Variants in ZMIZ1 observed in about 807,000 individuals in gnomAD.
ZMIZ1 encodes zinc finger MIZ-type containing 1, also known as zinc finger MIZ domain-containing protein 1.
A neutral mutation model predicts 113.9 loss-of-function variants in ZMIZ1; 17 were observed. The observed-to-expected ratio is 0.15, with a 90% confidence interval of 0.10 to 0.22. The LOEUF (loss-of-function observed/expected upper bound fraction) is 0.22, where lower values mean the gene tolerates loss of function less well. ZMIZ1 is among the 10% of genes least tolerant of loss of function. The pLI, the probability that ZMIZ1 is intolerant of heterozygous loss-of-function variation, is 1.00. For missense variants in ZMIZ1, 1,059 were observed against 1,477.8 expected (o/e 0.72, Z 4.65); for synonymous variants, 607 against 603.1 (o/e 1.01, Z -0.09).
chr10:79,133,028 G>T (rs1315269883), intron 2 of ZMIZ1, among the ~76,000 whole-genome samples: 2 of 152,144 alleles, frequency 1.3e-5, no homozygotes, highest in African/African-American at 4.8e-5. Context: ...ACGGTCGGTG[G>T]AAAGAGGCTG....
chr10:79,122,328 G>A (rs1215201283), intron 2 of ZMIZ1, among the ~76,000 whole-genome samples: 2 of 152,020 alleles, frequency 1.3e-5, no homozygotes, highest in African/African-American at 4.8e-5. Context: ...GGGGTGGAGT[G>A]GCAACTCTTT....
intron 5 of ZMIZ1, among the ~76,000 whole-genome samples, chr10:79,207,820 G>A (rs1337368325): frequency 1.3e-5 from 2 of 152,104 alleles, no homozygotes; most frequent in African/African-American, 4.8e-5. Flanking sequence ...GCCAGAGCTG[G>A]TGGGAGCCCA....
intron 6 of ZMIZ1, among the ~76,000 whole-genome samples, chr10:79,213,471 T>C (rs1411778591): frequency 6.6e-6 from 1 of 152,222 alleles, no homozygotes; most frequent in Non-Finnish European, 1.5e-5. Flanking sequence ...CCCTTCTGAA[T>C]GCTGGGGCAC....
chr10:79,105,025 G>T (rs1030681641), intron 1 of ZMIZ1, among the ~76,000 whole-genome samples: 3 of 151,120 alleles, frequency 2.0e-5, no homozygotes, highest in African/African-American at 7.3e-5. Flanking sequence ...AAGCCATGGT[G>T]GAAAGTGAGG....
intron 1 of ZMIZ1, among the ~76,000 whole-genome samples, chr10:79,077,225 G>A (rs1013890062): frequency 3.6e-4 from 54 of 152,008 alleles, no homozygotes; most frequent in African/African-American, 1.2e-3. Context: ...CCTACTCCCC[G>A]GTGGACCTTG....
intron 23 of ZMIZ1, among the ~76,000 whole-genome samples, chr10:79,310,493 C>A (rs930804088): frequency 2.0e-5 from 3 of 152,194 alleles, no homozygotes; most frequent in African/African-American, 7.2e-5. Flanking sequence ...TGCTCTCTGC[C>A]GCCCAGCTTG....
intron 7 of ZMIZ1, among the ~76,000 whole-genome samples, chr10:79,246,191 C>G (rs1424272656): frequency 6.6e-6 from 1 of 152,230 alleles, no homozygotes; most frequent in Non-Finnish European, 1.5e-5. Flanking sequence ...AGTCCCAGGT[C>G]TCCAACCCCT....
intron 2 of ZMIZ1, among the ~76,000 whole-genome samples, chr10:79,131,441 C>T (rs1383879566): frequency 6.6e-6 from 1 of 152,092 alleles, no homozygotes; most frequent in Admixed American, 6.5e-5. Context: ...GTTTTGTTTG[C>T]CTCGGTCCCT....
chr10:79,106,143 C>A (rs1470688352), intron 1 of ZMIZ1, among the ~76,000 whole-genome samples: 1 of 152,228 alleles, frequency 6.6e-6, no homozygotes, highest in African/African-American at 2.4e-5. Flanking sequence ...TCCCCCCACC[C>A]CCAGGCCCTC....
At chr10:79,152,490 ACT>A (rs1415929990) in intron 3 of ZMIZ1, among the ~76,000 whole-genome samples, 1 of 152,060 alleles carries the variant, frequency 6.6e-6, no homozygotes, top group Non-Finnish European at 1.5e-5. Flanking sequence ...ACAAAGTGAG[ACT>A]CTGTCTCAAA....
intron 7 of ZMIZ1, among the ~76,000 whole-genome samples, chr10:79,220,512 G>A (rs552648023): frequency 5.9e-5 from 9 of 152,280 alleles, no homozygotes; most frequent in African/African-American, 2.2e-4. Flanking sequence ...TCCAGAGCTC[G>A]CTCCAGCCCC....
chr10:79,289,635 T>TG (rs1343677722), intron 8 of ZMIZ1, 140 bp from the exon 9 acceptor site: 6 of 701,738 alleles, frequency 8.6e-6, no homozygotes, highest in Non-Finnish European at 4.9e-6. Flanking sequence ...GAGACAGGCC[T>TG]GGGGGGTCCA....
At chr10:79,236,578 G>C (rs116327780) in intron 7 of ZMIZ1, among the ~76,000 whole-genome samples, 1 of 152,110 alleles carries the variant, frequency 6.6e-6, no homozygotes, top group South Asian at 2.1e-4. Flanking sequence ...TGGGTGGCGC[G>C]CTCCCCACCA....
chr10:79,087,711 G>A (rs1227049437), intron 1 of ZMIZ1, among the ~76,000 whole-genome samples: 4 of 152,110 alleles, frequency 2.6e-5, no homozygotes, highest in Non-Finnish European at 5.9e-5. Flanking sequence ...TCATTCTCTG[G>A]CCCCAGATGA....
chr10:79,122,702 G>C (rs763729530), intron 2 of ZMIZ1, among the ~76,000 whole-genome samples: 3 of 152,098 alleles, frequency 2.0e-5, no homozygotes, highest in Non-Finnish European at 2.9e-5. Context: ...TCACACCCTG[G>C]AGAGCTCTTG....
At chr10:79,282,244 G>T (rs767329532) in intron 8 of ZMIZ1, among the ~76,000 whole-genome samples, 19 of 152,190 alleles carry the variant, frequency 1.2e-4, no homozygotes, top group Non-Finnish European at 2.4e-4. Context: ...GTTTTAGTCC[G>T]TCATCCTCCA....
chr10:79,142,882 G>A (rs937350567), intron 3 of ZMIZ1, among the ~76,000 whole-genome samples: 6 of 152,216 alleles, frequency 3.9e-5, no homozygotes, highest in South Asian at 2.1e-4. Context: ...AAGAGGCACC[G>A]AGCAGCTCCC....
At chr10:79,252,193 T>C (rs1589492680) in intron 7 of ZMIZ1, among the ~76,000 whole-genome samples, 1 of 152,166 alleles carries the variant, frequency 6.6e-6, no homozygotes, top group African/African-American at 2.4e-5. Context: ...TGCAGGCTCC[T>C]GTACCCACCC....
At chr10:79,265,856 C>T (rs1215655353) in intron 7 of ZMIZ1, among the ~76,000 whole-genome samples, 1 of 152,186 alleles carries the variant, frequency 6.6e-6, no homozygotes, top group Non-Finnish European at 1.5e-5. Flanking sequence ...GCTGTTTGAC[C>T]TCAGCGAATC....
Sources: allele counts gnomAD v4.1 joint callset (sites outside exome capture counted in the v4.1 genomes callset), GRCh38; gene constraint gnomAD v4.1.1; transcripts MANE v1.5; gene names NCBI Gene and HGNC (gene_info 2026-07-23, HGNC 2026-07-21).